The following OTULIN variants were observed in gnomAD, a reference collection of about 807,000 sequenced individuals.
OTULIN encodes the protein ubiquitin thioesterase otulin.
In OTULIN, 15 loss-of-function variants were observed where a neutral mutation model predicts 39.6. The observed-to-expected ratio is 0.38, with a 90% confidence interval of 0.25 to 0.58. The LOEUF (loss-of-function observed/expected upper bound fraction) is 0.58, where lower values mean the gene tolerates loss of function less well. Among genes scored for constraint, OTULIN ranks in the 20% least tolerant of loss-of-function variants. The pLI is 0.66. For missense variants in OTULIN, 319 were observed against 445.9 expected, an observed-to-expected ratio of 0.72 and a Z score of 2.56; for synonymous variants, 156 against 170.3, an observed-to-expected ratio of 0.92 and a Z score of 0.65.
intron 3 of OTULIN, among the ~76,000 whole-genome samples, chr5:14,679,229 A>G (rs1273354272): frequency 6.6e-6 from 1 of 152,160 alleles, no homozygotes; most frequent in Non-Finnish European, 1.5e-5. Flanking sequence ...GGAATCAGGA[A>G]CTGCTCCCTT....
Position 14,664,811 on chromosome 5 carries a change from G to A in OTULIN, c.-15G>A. 1 of 1,213,620 alleles carries A rather than the reference G, an allele frequency of 8.2e-7. No individual in the cohort carries two copies. Among genetic ancestry groups the A allele is most frequent in the Non-Finnish European group, 1.0e-6 (1 of 974,544 alleles). 75.2% of individuals were successfully genotyped at this position (1,213,620 alleles called of 1,614,324 possible). A position where few individuals can be genotyped will look rare whatever the true frequency, so the allele number is the denominator to read the frequency against. ...GTTCGGAGCCGGCTGAACCCCTTCG[G>A]CCGCGAGCGACCGCATGAGTCGGGG... On this transcript the variant is annotated 5_prime_UTR_variant, in exon 1 of 7. Coordinates refer to ENST00000284274, the MANE Select transcript of OTULIN (RefSeq NM_138348.6).
At position 14,690,336 on chromosome 5, in the gene OTULIN, C is replaced by G; in HGVS notation, c.864+28C>G. 1 of 1,601,038 alleles carries G rather than the reference C, an allele frequency of 6.2e-7. No individual in the cohort carries two copies. The highest frequency in any genetic ancestry group is 1.1e-5 in the South Asian group (1 of 89,754). On this transcript the variant is annotated intron_variant, in intron 6 of 6. Coordinates refer to ENST00000284274, the MANE Select transcript of OTULIN (RefSeq NM_138348.6). The surrounding 1 kb of genome is among the most constrained non-coding windows in gnomAD (Gnocchi z 4.5). ...AAGTTGTGCTTTTGAGCATGTATTA[C>G]CCCAAAATAAAGCAGCTTTACTGAT... is the stretch of plus-strand genomic sequence containing the variant.
At chr5:14,701,202 A>G (rs1431447747), downstream of OTULIN, among the ~76,000 whole-genome samples, 1 of 152,206 alleles carries the variant, frequency 6.6e-6, no homozygotes, top group Non-Finnish European at 1.5e-5. Context: ...ACCTTGACCA[A>G]GGCAGCTCCT....
the OTULIN span, chr5:14,707,237 A>G: frequency 6.6e-6 from 1 of 151,886 alleles, no homozygotes; most frequent in Non-Finnish European, 1.5e-5. Context: ...TAATTACAAC[A>G]CTATAAATAC....
At chr5:14,675,085 G>A (rs1736071299) in intron 2 of OTULIN, among the ~76,000 whole-genome samples, 1 of 152,166 alleles carries the variant, frequency 6.6e-6, no homozygotes, top group East Asian at 1.9e-4. Flanking sequence ...CAGAACTCAT[G>A]TTGCTCTAAT....
Position 14,680,164 on chromosome 5 carries a change from C to G in OTULIN, c.325-1300C>G, listed in dbSNP as rs542598372. On this transcript the variant is annotated intron_variant, in intron 3 of 6. Transcript: ENST00000284274. Reference sequence around the variant, plus strand: ...CTGCAGTTGGATTTGCATAAGTATTCTGGGGTAATTGAGGTTTACCATAGG... The same window carrying G: ...CTGCAGTTGGATTTGCATAAGTATTGTGGGGTAATTGAGGTTTACCATAGG... 3.9e-5 allele frequency among the ~76,000 whole-genome samples: 6 copies of G among 152,238 alleles called. No individual in the cohort carries two copies. The East Asian group carries it at 1.2e-3, about 29-fold the overall frequency.
chr5:14,697,015 G>A lies in OTULIN; in HGVS notation c.*3967G>A, dbSNP rs1229037787. 1 of 152,300 alleles carries A rather than the reference G, an allele frequency of 6.6e-6. No individual in the cohort carries two copies. Among genetic ancestry groups the A allele is most frequent in the African/African-American group, 2.4e-5 (1 of 41,450 alleles). The allele number at this position is 152,300 out of a possible 1,614,324, so 9.4% of individuals were successfully genotyped here. A position where few individuals can be genotyped will look rare whatever the true frequency, so the allele number is the denominator to read the frequency against. The stretch of plus-strand genomic sequence containing the variant: ...ATTTCCTGTAAGTCACTAGCAGTAG[G>A]TGTGAGGTGGGCTTGCCCATGACCA... On this transcript the variant is annotated 3_prime_UTR_variant, in exon 7 of 7. Transcript: ENST00000284274.
chr5:14,681,703 G>T, intron 4 of OTULIN, 96 bp downstream of exon 4: 5 of 1,348,504 alleles, frequency 3.7e-6, no homozygotes, highest in Non-Finnish European at 4.9e-6. Flanking sequence ...AGTATCGTCT[G>T]CAGTATGATG....
At chr5:14,675,455 A>G (rs1168328966) in intron 2 of OTULIN, among the ~76,000 whole-genome samples, 1 of 152,190 alleles carries the variant, frequency 6.6e-6, no homozygotes. Context: ...GCGGGGCCGC[A>G]CCGTTCCAGT....
the OTULIN span, chr5:14,707,935 C>T: frequency 6.6e-6 from 1 of 152,164 alleles, no homozygotes; most frequent in Admixed American, 6.5e-5. Flanking sequence ...CCCAGAAATG[C>T]AAACAAGTGG....
the OTULIN span, among the ~76,000 whole-genome samples, chr5:14,716,176 T>G: frequency 1.1e-4 from 17 of 152,278 alleles, no homozygotes; most frequent in Admixed American, 9.8e-4. Flanking sequence ...TCTACTTCCT[T>G]TTTACTGTTT....
intron 1 of OTULIN, among the ~76,000 whole-genome samples, chr5:14,665,423 C>G (rs1371357305): frequency 2.0e-5 from 3 of 152,204 alleles, no homozygotes; most frequent in Admixed American, 6.5e-5. Context: ...AGACTTTGGA[C>G]CCAAAGAGAA....
rs1736665458 is a variant in OTULIN at position 14,696,241 on chromosome 5, T to C, written c.*3193T>C. 6.6e-6 allele frequency: 1 copy of C among 152,242 alleles called. No individual in the cohort carries two copies. Among genetic ancestry groups the C allele is most frequent in the Non-Finnish European group, 1.5e-5 (1 of 68,044 alleles). The allele number at this position is 152,242 out of a possible 1,614,324, so 9.4% of individuals were successfully genotyped here. On this transcript the variant is annotated 3_prime_UTR_variant, in exon 7 of 7. Transcript: ENST00000284274. The stretch of plus-strand genomic sequence containing the variant: ...ATCACCTTTAATGATACAGCACTTC[T>C]GCCATCTCAGCATCTACATAGGACT...
chr5:14,691,375 A>C (rs1425283576), intron 6 of OTULIN, among the ~76,000 whole-genome samples: 1 of 152,192 alleles, frequency 6.6e-6, no homozygotes, highest in African/African-American at 2.4e-5. Context: ...GTTATTGCCA[A>C]GTGCGTAGGA....
intron 3 of OTULIN, among the ~76,000 whole-genome samples, chr5:14,681,114 A>G (rs1167328691): frequency 6.6e-6 from 1 of 152,172 alleles, no homozygotes; most frequent in Non-Finnish European, 1.5e-5. Flanking sequence ...ATAGACTTTT[A>G]TGTGTACATG....
chr5:14,692,469 T>TGGA (rs1736553112), intron 6 of OTULIN, among the ~76,000 whole-genome samples: 1 of 152,206 alleles, frequency 6.6e-6, no homozygotes, highest in East Asian at 1.9e-4. Context: ...GATTTGGATT[T>TGGA]TGATTTCCCT....
rs1736664967 is a variant in OTULIN at position 14,696,225 on chromosome 5, A to G, written c.*3177A>G. ...GGCTGTGAAGTGCTGAATCACCTTTAATGATACAGCACTTCTGCCATCTCA... is the reference window on the plus strand; with the variant it reads ...GGCTGTGAAGTGCTGAATCACCTTTGATGATACAGCACTTCTGCCATCTCA... On this transcript the variant is annotated 3_prime_UTR_variant, in exon 7 of 7. Transcript: ENST00000284274. The G allele has an allele frequency of 6.6e-6, 1 of 152,178 alleles. No individual in the cohort carries two copies. The highest frequency in any genetic ancestry group is 2.4e-5 in the African/African-American group (1 of 41,440). 9.4% of individuals were successfully genotyped at this position (152,178 alleles called of 1,614,324 possible). A position where few individuals can be genotyped will look rare whatever the true frequency, so the allele number is the denominator to read the frequency against.
chr5:14,703,997 G>C (rs2126367947), downstream of OTULIN, among the ~76,000 whole-genome samples: 1 of 152,234 alleles, frequency 6.6e-6, no homozygotes, highest in African/African-American at 2.4e-5. Context: ...AAAAAAATTA[G>C]AGCCATCTTT....
rs1736495171 is a variant in OTULIN, at chr5:14,690,398, C to T, written c.864+90C>T. 2.7e-6 allele frequency: 4 copies of T among 1,474,128 alleles called. No individual in the cohort carries two copies. In the African/African-American group the frequency reaches 4.2e-5, roughly 16 times the overall value. 91.3% of individuals were successfully genotyped at this position (1,474,128 alleles called of 1,614,324 possible). Reference sequence around the variant, plus strand: ...TCACAGTTTTTGTAGGTCAGAAATTCAGGGACAGCTTAGTTGGATGGTTCT... The same window carrying T: ...TCACAGTTTTTGTAGGTCAGAAATTTAGGGACAGCTTAGTTGGATGGTTCT... On this transcript the variant is annotated intron_variant, in intron 6 of 6. Transcript: ENST00000284274. This position sits in a 1 kb window ranked among gnomAD's most constrained non-coding sequence, Gnocchi z 4.5.
Sources: allele counts gnomAD v4.1 joint callset (sites outside exome capture counted in the v4.1 genomes callset), GRCh38; gene constraint gnomAD v4.1.1; non-coding constraint Gnocchi (gnomAD v3.1); transcripts MANE v1.5; gene names NCBI Gene and HGNC (gene_info 2026-07-23, HGNC 2026-07-21).